PICALM: variants seen among roughly 807,000 people sequenced by gnomAD.
PICALM encodes the protein phosphatidylinositol-binding clathrin assembly protein.
In PICALM, 40 loss-of-function variants were observed where a neutral mutation model predicts 80.5. The ratio of observed to expected loss-of-function variants is 0.50; its 90% CI spans 0.39 to 0.65. The LOEUF (loss-of-function observed/expected upper bound fraction) is 0.65, where lower values mean the gene tolerates loss of function less well. PICALM is among the 30% of genes least tolerant of loss of function. The probability of loss-of-function intolerance (pLI) is 0.00; values close to 1 mark genes in which losing one functional copy is unlikely to be tolerated. For synonymous variants in PICALM, 288 were observed against 260.3 expected, an observed-to-expected ratio of 1.11 and a Z score of -1.02; for missense variants, 676 against 778.9, an observed-to-expected ratio of 0.87 and a Z score of 1.57.
At chr11:85,977,858 T>C (rs940286778) in intron 17 of PICALM, among the ~76,000 whole-genome samples, 26 of 152,240 alleles carry the variant, frequency 1.7e-4, no homozygotes, top group African/African-American at 6.3e-4. Context: ...GGCGGAATAT[T>C]AAGCAAGAAA....
intron 7 of PICALM, among the ~76,000 whole-genome samples, chr11:86,008,624 GA>G (rs1360910952): frequency 2.8e-4 from 40 of 141,878 alleles, no homozygotes; most frequent in African/African-American, 2.6e-4. Flanking sequence ...CATCTCAGGA[GA>G]AAAAAAAAAA....
intron 13 of PICALM, 36 bp downstream of exon 13, chr11:85,990,214 A>C: frequency 7.4e-7 from 1 of 1,344,180 alleles, no homozygotes; most frequent in Non-Finnish European, 1.0e-6. Flanking sequence ...GGCAGTATAA[A>C]CATTGATTGG....
chr11:86,018,779 C>T (rs2095519765), intron 4 of PICALM, among the ~76,000 whole-genome samples: 1 of 151,858 alleles, frequency 6.6e-6, no homozygotes, highest in South Asian at 2.1e-4. Flanking sequence ...GTCCCAACTA[C>T]TTGGGAGGCT....
At chr11:86,026,924 G>A (rs533388951) in intron 2 of PICALM, among the ~76,000 whole-genome samples, 4 of 152,042 alleles carry the variant, frequency 2.6e-5, no homozygotes, top group South Asian at 2.1e-4. Flanking sequence ...ACAGGTATAC[G>A]TTACTTTCAC....
chr11:86,018,335 CATG>C (rs2095512234), intron 4 of PICALM, among the ~76,000 whole-genome samples: 1 of 152,142 alleles, frequency 6.6e-6, no homozygotes, highest in African/African-American at 2.4e-5. Flanking sequence ...ACGCATTTTT[CATG>C]ATGATGGAAG....
In PICALM at chr11:86,000,854, C is replaced by T. The variant is rs1206693284; in HGVS notation, c.1018-75G>A. 3 of 1,537,078 alleles carry T rather than the reference C, an allele frequency of 2.0e-6. No homozygotes were observed. In the African/African-American group the frequency reaches 4.2e-5, roughly 21 times the overall value. ...GTACAGCCTCTGAAAAAAGCATTTT[C>T]TAATTTGTTCTGATAGCAGATATTC... On this transcript the variant is annotated intron_variant, in intron 10 of 19. Coordinates refer to ENST00000393346, the MANE Select transcript of PICALM (RefSeq NM_007166.4).
rs567719750 is a variant in PICALM, at chr11:86,006,307, A to C, written c.807+1235T>G. On this transcript the variant is annotated intron_variant, in intron 8 of 19. Transcript: ENST00000393346. The stretch of plus-strand genomic sequence containing the variant: ...GACATTAGAGGGAAGAATCAGAACA[A>C]GTGAGTACAGAGAAACTCAATAATA... 4.3e-4 allele frequency among the ~76,000 whole-genome samples: 65 copies of C among 152,304 alleles called. 1 individual carries two copies. Among genetic ancestry groups the C allele is most frequent in the Middle Eastern group, 6.8e-3 (2 of 294 alleles).
At chr11:86,054,995 AAT>A (rs2096247380) in intron 1 of PICALM, among the ~76,000 whole-genome samples, 1 of 152,140 alleles carries the variant, frequency 6.6e-6, no homozygotes, top group Non-Finnish European at 1.5e-5. Flanking sequence ...CTCCAAAAAA[AAT>A]ATGATTTTTT....
At chr11:85,960,947 T>C (rs1309228455) in intron 19 of PICALM, among the ~76,000 whole-genome samples, 2 of 152,234 alleles carry the variant, frequency 1.3e-5, no homozygotes, top group African/African-American at 4.8e-5. Context: ...TTCAGTCATA[T>C]GTCAAGTTAA....
At chr11:85,971,956 T>A (rs1454265920) in intron 19 of PICALM, among the ~76,000 whole-genome samples, 3 of 151,974 alleles carry the variant, frequency 2.0e-5, no homozygotes, top group Non-Finnish European at 4.4e-5. Context: ...CAATTTTTTG[T>A]ATTTTTAGTA....
At chr11:85,996,049 T>C (rs2094949132) in intron 12 of PICALM, among the ~76,000 whole-genome samples, 1 of 152,150 alleles carries the variant, frequency 6.6e-6, no homozygotes, top group Admixed American at 6.5e-5. Context: ...ACAAACTACT[T>C]GTCGGAACAA....
intron 1 of PICALM, among the ~76,000 whole-genome samples, chr11:86,061,330 C>CAAAAAAAAAAAAAAA (rs58836221): frequency 2.5e-5 from 2 of 81,176 alleles, no homozygotes; most frequent in African/African-American, 4.7e-5. Context: ...GACTCCATCT[C>CAAAAAAAAAAAAAAA]AAAAAAAAAA....
intron 7 of PICALM, among the ~76,000 whole-genome samples, chr11:86,010,482 A>C (rs1264485640): frequency 6.6e-6 from 1 of 152,076 alleles, no homozygotes; most frequent in Non-Finnish European, 1.5e-5. Context: ...GCCCGCCTCC[A>C]TGACTGGCTA....
intron 19 of PICALM, among the ~76,000 whole-genome samples, chr11:85,962,069 G>C (rs1001405732): frequency 6.6e-6 from 1 of 152,082 alleles, no homozygotes; most frequent in African/African-American, 2.4e-5. Flanking sequence ...AATGGGAAGA[G>C]ACAAATGGAA....
At chr11:86,056,145 A>AAAAAAAG (rs530495065) in intron 1 of PICALM, among the ~76,000 whole-genome samples, 3 of 147,718 alleles carry the variant, frequency 2.0e-5, no homozygotes, top group Admixed American at 6.7e-5. Context: ...TAAAAAAAAA[A>AAAAAAAG]AAAAAGAAAA....
chr11:85,964,126 A>C (rs1057302193), intron 19 of PICALM, among the ~76,000 whole-genome samples: 1 of 152,112 alleles, frequency 6.6e-6, no homozygotes, highest in Admixed American at 6.6e-5. Context: ...GGTTAGAACA[A>C]GAAAACATCA....
chr11:86,004,165 C>T (rs1025844533), intron 8 of PICALM, among the ~76,000 whole-genome samples: 7 of 152,098 alleles, frequency 4.6e-5, no homozygotes, highest in Non-Finnish European at 1.0e-4. Flanking sequence ...TAGTCAAAAA[C>T]TGCAAATAAT....
At chr11:85,974,515 T>C (rs1182677430) in intron 19 of PICALM, 193 bp downstream of exon 19, 2 of 703,380 alleles carry the variant, frequency 2.8e-6, no homozygotes, top group Non-Finnish European at 2.6e-6. Flanking sequence ...GTATTTGCTA[T>C]CTACTTATCC....
At chr11:86,041,470 G>A (rs768177482) in intron 1 of PICALM, among the ~76,000 whole-genome samples, 1 of 152,096 alleles carries the variant, frequency 6.6e-6, no homozygotes, top group African/African-American at 2.4e-5. Flanking sequence ...GCATTTTCCT[G>A]GCAGAGAAAG....
Sources: gnomAD v4.1 joint callset for allele counts (sites outside exome capture counted in the v4.1 genomes callset) on GRCh38, gnomAD v4.1.1 for gene constraint, MANE v1.5 for transcripts, NCBI Gene and HGNC (gene_info 2026-07-23, HGNC 2026-07-21) for gene names.